Variants in CLNK observed in about 807,000 individuals in gnomAD.
CLNK encodes the protein cytokine-dependent hematopoietic cell linker.
Under a neutral mutation model 68.6 loss-of-function variants are expected in CLNK, and 74 were observed. That is an observed-to-expected ratio of 1.08 (90% CI 0.89 to 1.31). CLNK has a LOEUF of 1.31. Among genes scored for constraint, CLNK ranks in the 50% most tolerant of loss-of-function variants. The pLI, the probability that CLNK is intolerant of heterozygous loss-of-function variation, is 0.00. For synonymous variants in CLNK, 198 were observed against 172.2 expected (o/e 1.15, Z -1.17); for missense variants, 553 against 515.3 (o/e 1.07, Z -0.71).
the CLNK span, among the ~76,000 whole-genome samples, chr4:10,705,706 A>G: frequency 4.4e-4 from 67 of 152,320 alleles, no homozygotes; most frequent in Middle Eastern, 3.4e-3. Flanking sequence ...CTCAATCTTA[A>G]GGTCAGTTGA....
At chr4:10,657,000 T>G (rs1475114472) in intron 2 of CLNK, among the ~76,000 whole-genome samples, 2 of 152,198 alleles carry the variant, frequency 1.3e-5, no homozygotes, top group East Asian at 3.8e-4. Context: ...ATGTTCTAGA[T>G]GCTGTTTTAA....
In CLNK at chr4:10,615,638, G is replaced by A. The variant is rs1287280344; in HGVS notation, c.12-17589C>T. Among the ~76,000 whole-genome samples the A allele has an allele frequency of 3.3e-5, 5 of 152,216 alleles. No homozygotes were observed. The East Asian group carries it at 7.7e-4, about 23-fold the overall frequency. On this transcript the variant is annotated intron_variant, in intron 2 of 18. Coordinates refer to ENST00000226951, the MANE Select transcript of CLNK (RefSeq NM_052964.4). ...AGGTATAGACCCCAGGACTTTTGAG[G>A]GGCAGATGAGGATGCGAGCTCATAG...
intron 14 of CLNK, among the ~76,000 whole-genome samples, chr4:10,522,725 A>G (rs1224883081): frequency 6.6e-6 from 1 of 152,262 alleles, no homozygotes; most frequent in Non-Finnish European, 1.5e-5. Flanking sequence ...AGTTTATAAA[A>G]GAAACACATC....
rs1716481597 is a variant in CLNK, at chr4:10,489,669, C to CTTTTTGTTTT, written c.*797_*798insAAAACAAAAA. On this transcript the variant is annotated 3_prime_UTR_variant, in exon 19 of 19. Coordinates refer to ENST00000226951, the MANE Select transcript of CLNK (RefSeq NM_052964.4). ...GAGCTAATATTCACCAACCCAACACCTTTTTTTTTTTTTGAGACGGAGTCT... is the reference window on the plus strand; with the variant it reads ...GAGCTAATATTCACCAACCCAACACCTTTTTGTTTTTTTTTTTTTTTTTGAGACGGAGTCT... 7.0e-3 allele frequency: 437 copies of CTTTTTGTTTT among 62,342 alleles called. 29 individuals carry two copies. The highest frequency in any genetic ancestry group is 0.017 in the African/African-American group (424 of 25,524). The allele number at this position is 62,342 out of a possible 1,614,324, so 3.9% of individuals were successfully genotyped here. A position where few individuals can be genotyped will look rare whatever the true frequency, so the allele number is the denominator to read the frequency against.
At chr4:10,722,676 C>CAA in the CLNK span, among the ~76,000 whole-genome samples, 1 of 152,322 alleles carries the variant, frequency 6.6e-6, no homozygotes, top group Admixed American at 6.5e-5. Flanking sequence ...TTGAGATCTG[C>CAA]TATTGTACAC....
rs1450194642 is a variant in CLNK at position 10,489,231 on chromosome 4, C to T, written c.*1236G>A. On this transcript the variant is annotated 3_prime_UTR_variant, in exon 19 of 19. Coordinates refer to ENST00000226951, the MANE Select transcript of CLNK (RefSeq NM_052964.4). ...TAGCTACTTCGAGCCTCTGTTTCCT[C>T]ATCTTTATTGTAAAACAATAATAAA... 2 of 152,178 alleles carry T rather than the reference C, an allele frequency of 1.3e-5. No homozygotes were observed. The highest frequency in any genetic ancestry group is 2.9e-5 in the Non-Finnish European group (2 of 68,038). The allele number at this position is 152,178 out of a possible 1,614,324, so 9.4% of individuals were successfully genotyped here. A position where few individuals can be genotyped will look rare whatever the true frequency, so the allele number is the denominator to read the frequency against.
At chr4:10,679,479 T>C (rs902911705) in intron 1 of CLNK, among the ~76,000 whole-genome samples, 8 of 151,962 alleles carry the variant, frequency 5.3e-5, no homozygotes, top group South Asian at 2.1e-4. Flanking sequence ...GTCTAAAACA[T>C]CAAAAGCATG....
At chr4:10,540,738 C>T (rs1488696428) in intron 10 of CLNK, 134 bp from the exon 11 acceptor site, 10 of 637,064 alleles carry the variant, frequency 1.6e-5, no homozygotes, top group South Asian at 3.7e-5. Context: ...ATGCTAACTG[C>T]GGAGCAGACC....
intron 2 of CLNK, among the ~76,000 whole-genome samples, chr4:10,605,002 G>A (rs1276468866): frequency 6.6e-6 from 1 of 152,164 alleles, no homozygotes; most frequent in Non-Finnish European, 1.5e-5. Context: ...TCAGCTGAAG[G>A]CCTTAATAAC....
chr4:10,610,295 C>G (rs1342221165), intron 2 of CLNK, among the ~76,000 whole-genome samples: 2 of 150,036 alleles, frequency 1.3e-5, no homozygotes, highest in African/African-American at 4.9e-5. Context: ...CCGCCCGCCT[C>G]GGCCTCCCAA....
At position 10,672,101 on chromosome 4, in the gene CLNK, A is replaced by C. The variant is rs1234510121; in HGVS notation, c.-42-4190T>G. Among the ~76,000 whole-genome samples, 5 of 152,178 alleles carry C rather than the reference A, an allele frequency of 3.3e-5. No homozygotes were observed. In the East Asian group the frequency reaches 9.6e-4, roughly 29 times the overall value. ...AGACAACCCTAAAAAAACCACCTAA[A>C]GTTCCTGCCTAACAATCAATAGGCA... On this transcript the variant is annotated intron_variant, in intron 1 of 18. Transcript: ENST00000226951.
chr4:10,539,068 C>A (rs1718913001), intron 11 of CLNK, among the ~76,000 whole-genome samples: 1 of 152,166 alleles, frequency 6.6e-6, no homozygotes, highest in South Asian at 2.1e-4. Flanking sequence ...AATTGTAAGC[C>A]AATCAAACCT....
the CLNK span, among the ~76,000 whole-genome samples, chr4:10,724,373 A>G: frequency 2.6e-5 from 4 of 152,084 alleles, no homozygotes; most frequent in East Asian, 3.8e-4. Context: ...CGTCTTCCCT[A>G]TGCTCAGAAT....
At chr4:10,515,077 A>C (rs1181463708) in intron 15 of CLNK, among the ~76,000 whole-genome samples, 1 of 152,124 alleles carries the variant, frequency 6.6e-6, no homozygotes, top group Non-Finnish European at 1.5e-5. Context: ...GTCTCTACTA[A>C]AAATACAAAA....
the CLNK span, among the ~76,000 whole-genome samples, chr4:10,699,512 A>ATATATATATATATATATATT: frequency 1.5e-4 from 5 of 32,754 alleles, no homozygotes; most frequent in Admixed American, 1.4e-3. Context: ...ATATATATAT[A>ATATATATATATATATATATT]TTTTTTTTTT....
the CLNK span, among the ~76,000 whole-genome samples, chr4:10,712,723 G>A: frequency 1.3e-5 from 2 of 152,160 alleles, no homozygotes; most frequent in Admixed American, 6.6e-5. Context: ...AGGGACAGTG[G>A]GAGGGACAAA....
intron 12 of CLNK, among the ~76,000 whole-genome samples, chr4:10,530,235 G>A (rs1048540424): frequency 2.0e-5 from 3 of 152,054 alleles, no homozygotes; most frequent in African/African-American, 4.8e-5. Flanking sequence ...CCACCTCTCC[G>A]GGGTTTCATT....
At chr4:10,699,459 C>CCTCT in the CLNK span, among the ~76,000 whole-genome samples, 15 of 62,926 alleles carry the variant, frequency 2.4e-4, no homozygotes, top group Non-Finnish European at 3.0e-4. Flanking sequence ...CTATGTACAT[C>CCTCT]CTCTCTGTCT....
chr4:10,622,385 A>C (rs538616733), intron 2 of CLNK, among the ~76,000 whole-genome samples: 1 of 152,334 alleles, frequency 6.6e-6, no homozygotes, highest in African/African-American at 2.4e-5. Context: ...GGTTCGTTTA[A>C]AAATGCAAAA....
Sources: gnomAD v4.1 joint callset for allele counts (sites outside exome capture counted in the v4.1 genomes callset) on GRCh38, gnomAD v4.1.1 for gene constraint, MANE v1.5 for transcripts, NCBI Gene and HGNC (gene_info 2026-07-23, HGNC 2026-07-21) for gene names.